Variants in N4BP2L2 observed in about 807,000 individuals in gnomAD.
N4BP2L2 encodes the protein NEDD4-binding protein 2-like 2.
N4BP2L2 carries 50 observed loss-of-function variants against 56.2 expected under a neutral mutation model. The observed-to-expected ratio is 0.89, with a 90% CI of 0.71 to 1.13. The LOEUF (loss-of-function observed/expected upper bound fraction) is 1.13. N4BP2L2 is among the 50% of genes most tolerant of loss of function. N4BP2L2 has a pLI of 0.00. For synonymous variants in N4BP2L2, 203 were observed against 223.6 expected, an observed-to-expected ratio of 0.91 and a Z score of 0.82; for missense variants, 689 against 693.8, an observed-to-expected ratio of 0.99 and a Z score of 0.08.
At chr13:32,478,067 A>T in intron 6 of N4BP2L2, 1 of 1,288,606 alleles carries the variant, frequency 7.8e-7, no homozygotes, top group Non-Finnish European at 1.0e-6. Flanking sequence ...AAATTGTGAA[A>T]TATATTCAGG....
intron 6 of N4BP2L2, among the ~76,000 whole-genome samples, chr13:32,479,091 T>C (rs757610359): frequency 5.9e-5 from 9 of 151,464 alleles, no homozygotes; most frequent in Admixed American, 1.3e-4. Context: ...GCCAAGATCA[T>C]GCCACTGCAC....
At chr13:32,471,425 G>A (rs141268543) in intron 6 of N4BP2L2, among the ~76,000 whole-genome samples, 69 of 152,364 alleles carry the variant, frequency 4.5e-4, no homozygotes, top group African/African-American at 1.4e-3. Context: ...GTTTGTGTAA[G>A]CTCATACTGG....
Position 32,474,317 on chromosome 13 carries a change from T to A in N4BP2L2, c.366-30191A>T, listed in dbSNP as rs578254400. 2.6e-5 allele frequency among the ~76,000 whole-genome samples: 4 copies of A among 152,038 alleles called. No homozygotes were observed. In the South Asian group the frequency reaches 8.3e-4, roughly 32 times the overall value. ...TATTAACTTCTCTTTACATATCAGA[T>A]TTTCCTTAATAAAAAGTTGGAAAAA... On this transcript the variant is annotated intron_variant, in intron 6 of 9. Coordinates refer to the N4BP2L2 transcript ENST00000357505.
At chr13:32,524,014 A>G (rs912095372) in intron 3 of N4BP2L2, 2 of 152,248 alleles carry the variant, frequency 1.3e-5, no homozygotes, top group African/African-American at 4.8e-5. Flanking sequence ...CAGGAGTTAG[A>G]ATTCAAACCA....
chr13:32,483,877 G>A lies in N4BP2L2; in HGVS notation c.365+33980C>T, dbSNP rs545833341. On this transcript the variant is annotated intron_variant, in intron 6 of 9. Transcript: ENST00000357505. ...GCACGCCTGTTAATTCCAGCTACTC[G>A]GGAGGCTAAGGCAGGAGAATCGCTT... Among the ~76,000 whole-genome samples, 234 of 151,778 alleles carry A rather than the reference G, an allele frequency of 1.5e-3. 1 individual carries two copies. The highest frequency in any genetic ancestry group is 2.8e-3 in the Non-Finnish European group (188 of 67,960).
intron 6 of N4BP2L2, among the ~76,000 whole-genome samples, chr13:32,479,634 AG>A (rs1270004515): frequency 9.9e-5 from 15 of 151,474 alleles, no homozygotes; most frequent in African/African-American, 3.4e-4. Context: ...AAAAAAAAAA[AG>A]GATCCCCAAA....
intron 6 of N4BP2L2, among the ~76,000 whole-genome samples, chr13:32,460,606 A>AT (rs2079862502): frequency 6.6e-6 from 1 of 152,192 alleles, no homozygotes; most frequent in Non-Finnish European, 1.5e-5. Context: ...ATGGAAAGGC[A>AT]TACCATGCTC....
chr13:32,534,150 C>G (rs942957201), intron 2 of N4BP2L2, among the ~76,000 whole-genome samples: 1 of 152,128 alleles, frequency 6.6e-6, no homozygotes. Flanking sequence ...TATGAAAATA[C>G]TCTGTAAATT....
At chr13:32,435,645 CA>C (rs1410531839) in intron 9 of N4BP2L2, among the ~76,000 whole-genome samples, 2 of 152,174 alleles carry the variant, frequency 1.3e-5, no homozygotes, top group African/African-American at 4.8e-5. Context: ...GTGGCCCCTG[CA>C]AATCTCTAAA....
intron 6 of N4BP2L2, among the ~76,000 whole-genome samples, chr13:32,499,151 G>A (rs1377389757): frequency 6.6e-6 from 1 of 152,068 alleles, no homozygotes; most frequent in East Asian, 1.9e-4. Flanking sequence ...ACTTAAACTA[G>A]GCTTAGGCAC....
intron 5 of N4BP2L2, 95 bp downstream of exon 5, chr13:32,521,267 CAGTTTCCTGAA>C (rs1348427621): frequency 2.3e-6 from 2 of 880,052 alleles, no homozygotes; most frequent in Non-Finnish European, 3.6e-6. Context: ...ATTTTACCCT[CAGTTTCCTGAA>C]CCTACATTTG....
downstream of N4BP2L2, chr13:32,510,258 A>C (rs774749711): frequency 3.3e-5 from 5 of 152,132 alleles, no homozygotes; most frequent in Admixed American, 1.3e-4. Context: ...TACTGCCTGA[A>C]AATTAATTAG....
chr13:32,499,839 A>G (rs908616563), intron 6 of N4BP2L2, among the ~76,000 whole-genome samples: 1 of 152,148 alleles, frequency 6.6e-6, no homozygotes, highest in African/African-American at 2.4e-5. Context: ...AAATCAGTCC[A>G]TCTCTCACCA....
chr13:32,530,696 G>T (rs1366178172), intron 2 of N4BP2L2, among the ~76,000 whole-genome samples: 1 of 151,926 alleles, frequency 6.6e-6, no homozygotes, highest in Non-Finnish European at 1.5e-5. Context: ...AAATAATTTT[G>T]GCAAGTTAGA....
At chr13:32,472,175 A>T (rs1190507455) in intron 6 of N4BP2L2, among the ~76,000 whole-genome samples, 1 of 152,254 alleles carries the variant, frequency 6.6e-6, no homozygotes, top group African/African-American at 2.4e-5. Flanking sequence ...AAGGTGGAGG[A>T]CTGTTCACAT....
intron 6 of N4BP2L2, chr13:32,504,551 T>C (rs1398543646): frequency 2.6e-5 from 4 of 152,188 alleles, no homozygotes; most frequent in Non-Finnish European, 4.4e-5. Flanking sequence ...ACATTCTAGG[T>C]ACTAGGAGTT....
chr13:32,460,447 T>C (rs1283102035), intron 6 of N4BP2L2, among the ~76,000 whole-genome samples: 1 of 152,148 alleles, frequency 6.6e-6, no homozygotes, highest in Non-Finnish European at 1.5e-5. Flanking sequence ...ATAAACAAAT[T>C]CAGTAAAGTT....
At chr13:32,521,569 C>T (rs902448647) in intron 4 of N4BP2L2, 120 bp from the exon 5 acceptor site, 16 of 633,808 alleles carry the variant, frequency 2.5e-5, no homozygotes, top group Non-Finnish European at 3.3e-5. Context: ...AGAAAAATGA[C>T]GCTTTATAAA....
Position 32,463,918 on chromosome 13 carries a change from C to CAAATAA in N4BP2L2, c.366-19793_366-19792insTTATTT, listed in dbSNP as rs2080718086. ...TAGAATGGCCCTACCTGCCCATGAC[C>CAAATAA]AAAAAAAAAAAAAAAAAAAAGGTAA... On this transcript the variant is annotated intron_variant, in intron 6 of 9. Coordinates refer to the N4BP2L2 transcript ENST00000357505. 4.7e-5 allele frequency among the ~76,000 whole-genome samples: 3 copies of CAAATAA among 64,176 alleles called. No homozygotes were observed. In the South Asian group the frequency reaches 2.3e-3, roughly 49 times the overall value. The allele number at this position is 64,176 out of a possible 152,430, so 42.1% of individuals were successfully genotyped here.
Sources: allele counts gnomAD v4.1 joint callset (sites outside exome capture counted in the v4.1 genomes callset), GRCh38; gene constraint gnomAD v4.1.1; transcripts MANE v1.5; gene names NCBI Gene and HGNC (gene_info 2026-07-23, HGNC 2026-07-21).